The following GPR158 variants were observed in gnomAD, a reference collection of about 807,000 sequenced individuals.
The protein encoded by GPR158 is G protein-coupled receptor 158.
Under a neutral mutation model 78.2 loss-of-function variants are expected in GPR158, and 30 were observed. The ratio of observed to expected loss-of-function variants is 0.38; its 90% confidence interval spans 0.29 to 0.52. The LOEUF (loss-of-function observed/expected upper bound fraction) is 0.52. GPR158 is among the 20% of genes least tolerant of loss of function. The probability of loss-of-function intolerance (pLI) is 0.83; values close to 1 mark genes in which losing one functional copy is unlikely to be tolerated. For synonymous variants in GPR158, 581 were observed against 591.1 expected, an observed-to-expected ratio of 0.98 and a Z score of 0.25; for missense variants, 1,463 against 1,523.5, an observed-to-expected ratio of 0.96 and a Z score of 0.66.
At chr10:25,554,067 T>A (rs1213052758) in intron 6 of GPR158, among the ~76,000 whole-genome samples, 2 of 151,968 alleles carry the variant, frequency 1.3e-5, no homozygotes, top group East Asian at 3.9e-4. Flanking sequence ...AAAAACAGGA[T>A]TCATTGGAAG....
At chr10:25,272,491 C>T (rs1324242457) in intron 2 of GPR158, among the ~76,000 whole-genome samples, 1 of 152,098 alleles carries the variant, frequency 6.6e-6, no homozygotes, top group Admixed American at 6.6e-5. Flanking sequence ...TTTACCTTTT[C>T]ACAAGACCCC....
chr10:25,595,430 G>A (rs1276383546), intron 9 of GPR158, among the ~76,000 whole-genome samples: 1 of 152,226 alleles, frequency 6.6e-6, no homozygotes, highest in Non-Finnish European at 1.5e-5. Flanking sequence ...GAGTTCCAAA[G>A]AGGATTGAAA....
At chr10:25,252,635 G>T (rs1034272780) in intron 2 of GPR158, among the ~76,000 whole-genome samples, 1 of 152,096 alleles carries the variant, frequency 6.6e-6, no homozygotes, top group Non-Finnish European at 1.5e-5. Flanking sequence ...CAGGGGTCAG[G>T]GGTCAGGGAC....
In GPR158 at chr10:25,460,534, G is replaced by T. The variant is rs148660176; in HGVS notation, c.1336-6117G>T. On this transcript the variant is annotated intron_variant, in intron 4 of 10. Coordinates refer to ENST00000376351, the MANE Select transcript of GPR158 (RefSeq NM_020752.3). The stretch of plus-strand genomic sequence containing the variant: ...TTCTAATAGTTGAGTTGACACGAAG[G>T]TTTTTAAAATTTATTTATTAAAGTA... 2.6e-3 allele frequency among the ~76,000 whole-genome samples: 392 copies of T among 152,168 alleles called. 2 individuals carry two copies. The highest frequency in any genetic ancestry group is 9.0e-3 in the African/African-American group (375 of 41,520).
chr10:25,598,942 C>T lies in GPR158; in HGVS notation c.3316C>T (p.Gln1106Ter), dbSNP rs1230481216. The T allele has an allele frequency of 6.2e-7, 1 of 1,613,986 alleles. No individual in the cohort carries two copies. The highest frequency in any genetic ancestry group is 1.7e-5 in the Admixed American group (1 of 60,016). ...PERAKEENGG[Q>*]PRAANVCAGQ... is the part of the protein sequence containing the mutation. ...GAGGGCAAAAGAGGAGAACGGAGGT[C>T]AGCCTCGTGCAGCCAATGTGTGTGC... is the stretch of plus-strand genomic sequence containing the variant. The change falls in exon 11 of 11, where the codon CAG becomes TAG. Residue 1106 changes from glutamine to a stop codon, truncating the protein, a stop_gained. Coordinates refer to ENST00000376351, the MANE Select transcript of GPR158 (RefSeq NM_020752.3). LOFTEE classifies it low-confidence loss of function (END_TRUNC).
intron 6 of GPR158, among the ~76,000 whole-genome samples, chr10:25,557,378 C>T (rs1227640627): frequency 2.0e-5 from 3 of 152,288 alleles, no homozygotes; most frequent in Admixed American, 6.5e-5. Flanking sequence ...GGAGCTCCCT[C>T]GGAATCTTGC....
chr10:25,338,463 C>T (rs556063536), intron 2 of GPR158, among the ~76,000 whole-genome samples: 84 of 133,290 alleles, frequency 6.3e-4, no homozygotes, highest in African/African-American at 2.3e-3. Context: ...ATATATATTA[C>T]GTATATTATA....
At chr10:25,346,683 AT>A (rs1169807297) in intron 2 of GPR158, among the ~76,000 whole-genome samples, 1 of 151,922 alleles carries the variant, frequency 6.6e-6, no homozygotes, top group Admixed American at 6.6e-5. Context: ...GATTGAGTTC[AT>A]TTTTCTTTTG....
Position 25,201,450 on chromosome 10 carries a change from A to G in GPR158, c.903-19602A>G, listed in dbSNP as rs149384369. Among the ~76,000 whole-genome samples the G allele has an allele frequency of 1.9e-3, 287 of 152,292 alleles. 1 individual carries two copies. The Middle Eastern group carries it at 0.02, about 11-fold the overall frequency. Reference sequence around the variant, plus strand: ...AATATCATACCATCTGTAAACAGAGATAGTTTCACTTCCTCTCTTCCTATT... The same window carrying G: ...AATATCATACCATCTGTAAACAGAGGTAGTTTCACTTCCTCTCTTCCTATT... On this transcript the variant is annotated intron_variant, in intron 1 of 10. Transcript: ENST00000376351.
At chr10:25,319,775 T>C (rs1014973272) in intron 2 of GPR158, among the ~76,000 whole-genome samples, 6 of 152,012 alleles carry the variant, frequency 3.9e-5, no homozygotes, top group Non-Finnish European at 1.5e-5. Flanking sequence ...TATTTGTTAG[T>C]CTGTTTATAC....
At chr10:25,526,615 A>G (rs1375298161) in intron 5 of GPR158, among the ~76,000 whole-genome samples, 1 of 152,244 alleles carries the variant, frequency 6.6e-6, no homozygotes, top group Non-Finnish European at 1.5e-5. Context: ...ACTCAATAAT[A>G]TAAGGCTGAA....
chr10:25,355,153 T>A (rs1855531248), intron 2 of GPR158, among the ~76,000 whole-genome samples: 1 of 151,640 alleles, frequency 6.6e-6, no homozygotes, highest in African/African-American at 2.4e-5. Flanking sequence ...TACTTCTAGA[T>A]CTTGCTTAAC....
In GPR158 at chr10:25,250,942, G is replaced by A. The variant is rs200017161; in HGVS notation, c.1008+29785G>A. Among the ~76,000 whole-genome samples, 204 of 151,470 alleles carry A rather than the reference G, an allele frequency of 1.3e-3. 1 individual carries two copies. In the East Asian group the frequency reaches 0.016, roughly 12 times the overall value. ...AAAGTCTCCCATTATTATTGTGTGGGCGTCTAAGTCTCTTTGTAGGTCACT... is the reference window on the plus strand; with the variant it reads ...AAAGTCTCCCATTATTATTGTGTGGACGTCTAAGTCTCTTTGTAGGTCACT... On this transcript the variant is annotated intron_variant, in intron 2 of 10. Transcript: ENST00000376351.
intron 1 of GPR158, among the ~76,000 whole-genome samples, chr10:25,216,059 A>G (rs376659485): frequency 1.2e-4 from 19 of 152,326 alleles, no homozygotes; most frequent in East Asian, 9.6e-4. Context: ...AAAACTGACC[A>G]ACAAATTCCC....
chr10:25,426,006 T>C (rs1834815477), intron 4 of GPR158, among the ~76,000 whole-genome samples: 1 of 152,156 alleles, frequency 6.6e-6, no homozygotes, highest in Non-Finnish European at 1.5e-5. Flanking sequence ...ATGTTTTCTC[T>C]CTTTATCTGT....
chr10:25,351,545 A>T (rs954088723), intron 2 of GPR158, among the ~76,000 whole-genome samples: 1 of 151,870 alleles, frequency 6.6e-6, no homozygotes, highest in Admixed American at 6.6e-5. Context: ...GGACCACATG[A>T]TATCATATAA....
At chr10:25,583,394 T>C (rs1455345352) in intron 7 of GPR158, among the ~76,000 whole-genome samples, 1 of 152,206 alleles carries the variant, frequency 6.6e-6, no homozygotes, top group African/African-American at 2.4e-5. Context: ...GACATTCTCA[T>C]TGTTTTAATC....
chr10:25,176,434 C>T lies in GPR158; in HGVS notation c.902+112C>T. 2.2e-6 allele frequency: 2 copies of T among 902,770 alleles called. No individual in the cohort carries two copies. The highest frequency in any genetic ancestry group is 1.6e-6 in the Non-Finnish European group (1 of 610,484). 55.9% of individuals were successfully genotyped at this position (902,770 alleles called of 1,614,324 possible). A position where few individuals can be genotyped will look rare whatever the true frequency, so the allele number is the denominator to read the frequency against. ...CCTTGGCTGTGACGCGAACGCTTCT[C>T]ACCCTCAGAGTAGAGACCCGGGCTG... On this transcript the variant is annotated intron_variant, in intron 1 of 10. Coordinates refer to ENST00000376351, the MANE Select transcript of GPR158 (RefSeq NM_020752.3). This position sits in a 1 kb window ranked among gnomAD's most constrained non-coding sequence, Gnocchi z 6.3.
intron 5 of GPR158, among the ~76,000 whole-genome samples, chr10:25,514,328 C>T (rs1382972076): frequency 1.3e-5 from 2 of 152,128 alleles, no homozygotes; most frequent in Non-Finnish European, 2.9e-5. Context: ...GTTACTCCTG[C>T]TCACTTTTGG....
Sources: allele counts gnomAD v4.1 joint callset (sites outside exome capture counted in the v4.1 genomes callset), GRCh38; gene constraint gnomAD v4.1.1; non-coding constraint Gnocchi (gnomAD v3.1); transcripts MANE v1.5; gene names NCBI Gene and HGNC (gene_info 2026-07-23, HGNC 2026-07-21).